WHRN: variants seen among roughly 807,000 people sequenced by gnomAD.
WHRN encodes CASK-interacting protein CIP98.
In WHRN, 41 loss-of-function variants were observed where a neutral mutation model predicts 68.3. The observed-to-expected ratio is 0.60, with a 90% CI of 0.47 to 0.78. The LOEUF is 0.78. Ranked by LOEUF, WHRN falls within the 30% of genes least tolerant of loss-of-function variation. The pLI is 0.00. For synonymous variants in WHRN, 560 were observed against 561.3 expected, an observed-to-expected ratio of 1.00 and a Z score of 0.03; for missense variants, 1,243 against 1,244.7, an observed-to-expected ratio of 1.00 and a Z score of 0.02.
In WHRN at chr9:114,402,926, G is replaced by A; in HGVS notation, c.2552C>T (p.Ser851Leu). 3 of 1,610,506 alleles carry A rather than the reference G, an allele frequency of 1.9e-6. No individual in the cohort carries two copies. The highest frequency in any genetic ancestry group is 2.5e-6 in the Non-Finnish European group (3 of 1,178,856). Residue 851 changes from serine (S) to leucine (L), a missense_variant, in exon 12 of 12, where the codon TCA becomes TTA. By Grantham distance (145) the Ser-to-Leu change is moderately radical. Coordinates refer to ENST00000362057, the MANE Select transcript of WHRN (RefSeq NM_015404.4). ...CTTGAGCTGCCCACAGTTGTGAGCT[G>A]AGCCGCCTCTCTGCAGGGAGGAGAC... ...PRIVTIQRGG[S>L]AHNCGQLKVG...
intron 5 of WHRN, 23 bp downstream of exon 5, chr9:114,424,965 A>G (rs1466835973): frequency 1.2e-6 from 2 of 1,612,270 alleles, no homozygotes; most frequent in Non-Finnish European, 1.7e-6. Flanking sequence ...GAAGCAGAGA[A>G]TACCCCTTAG....
intron 3 of WHRN, among the ~76,000 whole-genome samples, chr9:114,432,184 C>T (rs1837479333): frequency 6.6e-6 from 1 of 152,220 alleles, no homozygotes. Flanking sequence ...CCACAGCCCA[C>T]TGAGTGACTG....
intron 2 of WHRN, among the ~76,000 whole-genome samples, chr9:114,470,675 C>T (rs1841135026): frequency 6.6e-6 from 1 of 152,158 alleles, no homozygotes; most frequent in South Asian, 2.1e-4. Flanking sequence ...GCAGCTCCTG[C>T]CTTGATCCCC....
At chr9:114,501,196 T>A (rs1374368232) in intron 1 of WHRN, among the ~76,000 whole-genome samples, 2 of 152,226 alleles carry the variant, frequency 1.3e-5, no homozygotes, top group Non-Finnish European at 2.9e-5. Flanking sequence ...CAAGCACATT[T>A]GGCTAAAAAC....
chr9:114,504,403 C>G lies in WHRN; in HGVS notation c.399G>C (p.Ala133=), dbSNP rs753687219. Residue 133 remains alanine, a synonymous_variant, in exon 1 of 12, where the codon GCG becomes GCC. Coordinates refer to ENST00000362057, the MANE Select transcript of WHRN (RefSeq NM_015404.4). ...TCACCAGGCGCACCTCCCCTGGCCC[C>G]GCGCTGTCGGGGCCGCCCCAGGCGG... ...RQPAWGGPDS[A]GPGEVRLVSL... 6.2e-7 allele frequency: 1 copy of G among 1,605,588 alleles called. No individual in the cohort carries two copies. The highest frequency in any genetic ancestry group is 8.5e-7 in the Non-Finnish European group (1 of 1,179,322).
At position 114,504,434 on chromosome 9, in the gene WHRN, C is replaced by CT; in HGVS notation, c.367dup (p.Arg123LysfsTer56). On this transcript the variant is annotated frameshift_variant, in exon 1 of 12. Coordinates refer to ENST00000362057, the MANE Select transcript of WHRN (RefSeq NM_015404.4). LOFTEE classifies it high-confidence loss of function. ...GTCGGGGCCGCCCCAGGCGGGCTGCCTGTAGGGGGTGGTGGCGGGCAGGTA... is the reference window on the plus strand; with the variant it reads ...GTCGGGGCCGCCCCAGGCGGGCTGCCTTGTAGGGGGTGGTGGCGGGCAGGTA... 1 of 1,607,082 alleles carries CT rather than the reference C, an allele frequency of 6.2e-7. No individual in the cohort carries two copies. Among genetic ancestry groups the CT allele is most frequent in the Non-Finnish European group, 8.5e-7 (1 of 1,179,610 alleles).
At position 114,504,841 on chromosome 9, in the gene WHRN, T is replaced by G. The variant is rs1333017265; in HGVS notation, c.-40A>C. The G allele has an allele frequency of 7.3e-7, 1 of 1,366,042 alleles. No homozygotes were observed. Among genetic ancestry groups the G allele is most frequent in the Non-Finnish European group, 9.3e-7 (1 of 1,070,780 alleles). The allele number at this position is 1,366,042 out of a possible 1,614,324, so 84.6% of individuals were successfully genotyped here. ...CCGGCCGGGCTCTGAGCGCGCGGGG[T>G]GTGGGCGGTGCCGCTGTCCTCGCGG... On this transcript the variant is annotated 5_prime_UTR_variant, in exon 1 of 12. Coordinates refer to ENST00000362057, the MANE Select transcript of WHRN (RefSeq NM_015404.4).
intron 3 of WHRN, among the ~76,000 whole-genome samples, chr9:114,463,017 T>G (rs1175034288): frequency 6.6e-6 from 1 of 152,176 alleles, no homozygotes; most frequent in Non-Finnish European, 1.5e-5. Flanking sequence ...TAATGTGGAT[T>G]TAATCAGAGG....
chr9:114,406,930 C>G, intron 8 of WHRN, 38 bp from the exon 9 acceptor site: 2 of 1,550,734 alleles, frequency 1.3e-6, no homozygotes, highest in East Asian at 4.9e-5. Flanking sequence ...GGAGTCAGAC[C>G]CCATCACGCC....
chr9:114,445,111 G>A (rs573463395), intron 3 of WHRN, among the ~76,000 whole-genome samples: 2 of 151,212 alleles, frequency 1.3e-5, no homozygotes, highest in East Asian at 1.9e-4. Flanking sequence ...GTGTGATCTC[G>A]GCTCACTGCA....
intron 3 of WHRN, among the ~76,000 whole-genome samples, chr9:114,431,368 C>T (rs752219787): frequency 8.5e-5 from 13 of 152,204 alleles, no homozygotes; most frequent in African/African-American, 1.2e-4. Flanking sequence ...CTTCCAGATA[C>T]AGGAGACAGG....
chr9:114,432,085 G>C (rs981115666), intron 3 of WHRN, among the ~76,000 whole-genome samples: 1 of 152,216 alleles, frequency 6.6e-6, no homozygotes, highest in African/African-American at 2.4e-5. Flanking sequence ...GTCACCATGG[G>C]AATCCTATTT....
In WHRN at chr9:114,478,665, C is replaced by T. The variant is rs727505127; in HGVS notation, c.725G>A (p.Arg242His). Residue 242 changes from arginine (R) to histidine (H), a missense_variant, in exon 2 of 12, where the codon CGC becomes CAC. Arg to His is a conservative substitution (Grantham distance 29). Coordinates refer to ENST00000362057, the MANE Select transcript of WHRN (RefSeq NM_015404.4). ...HIYTWVDPQG[R>H]SISPPSGLPQ... is the part of the protein sequence containing the mutation. ...CAGGCCCGAGGGTGGGGAGATGCTG[C>T]GGCCCTGCGGGTCCACCCAGGTGTA... 6.8e-6 allele frequency: 11 copies of T among 1,613,062 alleles called. No individual in the cohort carries two copies. The highest frequency in any genetic ancestry group is 5.5e-5 in the South Asian group (5 of 90,984).
At chr9:114,469,533 A>G (rs892919969) in intron 2 of WHRN, among the ~76,000 whole-genome samples, 14 of 152,194 alleles carry the variant, frequency 9.2e-5, no homozygotes, top group Non-Finnish European at 1.9e-4. Context: ...CCCTCCCTGG[A>G]GGCAGCTCTG....
intron 3 of WHRN, among the ~76,000 whole-genome samples, chr9:114,463,132 T>C (rs1302091030): frequency 6.6e-6 from 1 of 152,168 alleles, no homozygotes; most frequent in Non-Finnish European, 1.5e-5. Context: ...AGGAAAACTG[T>C]TCTGAGGCCT....
chr9:114,451,223 CTT>C (rs551362051), intron 3 of WHRN, among the ~76,000 whole-genome samples: 7 of 152,332 alleles, frequency 4.6e-5, no homozygotes, highest in Non-Finnish European at 8.8e-5. Flanking sequence ...GGCACTGTGA[CTT>C]TGTGCTCAGC....
chr9:114,489,933 C>A (rs1842844009), intron 1 of WHRN, among the ~76,000 whole-genome samples: 1 of 152,160 alleles, frequency 6.6e-6, no homozygotes, highest in Non-Finnish European at 1.5e-5. Context: ...TTCTCTTAAA[C>A]AAAAGTCCAA....
intron 2 of WHRN, among the ~76,000 whole-genome samples, chr9:114,477,291 C>T (rs1313231696): frequency 6.6e-6 from 1 of 152,262 alleles, no homozygotes; most frequent in Admixed American, 6.5e-5. Context: ...GAGCCCCAAG[C>T]CATGTGGCCT....
chr9:114,457,650 T>G (rs1426258452), intron 3 of WHRN, among the ~76,000 whole-genome samples: 1 of 152,106 alleles, frequency 6.6e-6, no homozygotes, highest in Non-Finnish European at 1.5e-5. Flanking sequence ...GCGCGGGGGC[T>G]CACGCCTGTA....
Sources: gnomAD v4.1 joint callset for allele counts (sites outside exome capture counted in the v4.1 genomes callset) on GRCh38, gnomAD v4.1.1 for gene constraint, MANE v1.5 for transcripts, NCBI Gene and HGNC (gene_info 2026-07-23, HGNC 2026-07-21) for gene names.